Variants in CTDP1 observed in about 807,000 individuals in gnomAD.
The protein encoded by CTDP1 is CTD phosphatase 1.
Under a neutral mutation model 91.8 loss-of-function variants are expected in CTDP1, and 47 were observed. That is an observed-to-expected ratio of 0.51 (90% CI 0.41 to 0.65). The LOEUF is 0.65. Ranked by LOEUF, CTDP1 falls within the 30% of genes least tolerant of loss-of-function variation. The pLI is 0.00. For synonymous variants in CTDP1, 656 were observed against 598.5 expected, an observed-to-expected ratio of 1.10 and a Z score of -1.40; for missense variants, 1,272 against 1,373.7, an observed-to-expected ratio of 0.93 and a Z score of 1.17.
intron 1 of CTDP1, among the ~76,000 whole-genome samples, chr18:79,691,127 G>T (rs746533649): frequency 6.6e-6 from 1 of 152,162 alleles, no homozygotes; most frequent in Non-Finnish European, 1.5e-5. Flanking sequence ...TTCCTTCCTC[G>T]TGTAGAACTA....
chr18:79,697,340 T>C (rs1038614451), intron 3 of CTDP1, among the ~76,000 whole-genome samples: 2 of 152,158 alleles, frequency 1.3e-5, no homozygotes, highest in African/African-American at 2.4e-5. Context: ...ACCGGGCCCT[T>C]GTTAGGAGCT....
chr18:79,724,300 CTAAG>C (rs918265899), intron 10 of CTDP1, among the ~76,000 whole-genome samples: 20 of 152,206 alleles, frequency 1.3e-4, no homozygotes, highest in African/African-American at 4.8e-4. Context: ...CTTAACCTAT[CTAAG>C]TTTTTATTTC....
At chr18:79,707,975 A>AGAATTTAGATCTAGC in intron 5 of CTDP1, among the ~76,000 whole-genome samples, 1 of 152,392 alleles carries the variant, frequency 6.6e-6, no homozygotes, top group East Asian at 1.9e-4. Flanking sequence ...TTCTATTAAC[A>AGAATTTAGATCTAGC]GACTTTAGAT....
rs143464787 is a variant in CTDP1 at position 79,696,018 on chromosome 18, C to T, written c.440C>T (p.Thr147Met). 2.5e-6 allele frequency: 4 copies of T among 1,612,476 alleles called. No homozygotes were observed. The highest frequency in any genetic ancestry group is 1.3e-5 in the African/African-American group (1 of 74,940). ...GGGAAGCAGCAGGTGCCGCTGTCCACGGCGACCGTGTCCATGGTGCACAGC... is the reference window on the plus strand; with the variant it reads ...GGGAAGCAGCAGGTGCCGCTGTCCATGGCGACCGTGTCCATGGTGCACAGC... ...KNGKQQVPLSTATVSMVHSVP... is the reference protein window; with the variant it reads ...KNGKQQVPLSMATVSMVHSVP... Residue 147 changes from threonine (T) to methionine (M), a missense_variant, in exon 3 of 13, where the codon ACG becomes ATG. Coordinates refer to ENST00000613122, the MANE Select transcript of CTDP1 (RefSeq NM_004715.5).
intron 10 of CTDP1, among the ~76,000 whole-genome samples, chr18:79,727,876 G>A (rs953017079): frequency 6.6e-6 from 1 of 152,026 alleles, no homozygotes; most frequent in African/African-American, 2.4e-5. Flanking sequence ...TTTCCCAGAG[G>A]CTTGCCTTAA....
Position 79,680,258 on chromosome 18 carries a change from C to T in CTDP1, c.311C>T (p.Pro104Leu), listed in dbSNP as rs2122324778. 1 of 1,290,812 alleles carries T rather than the reference C, an allele frequency of 7.7e-7. No homozygotes were observed. The allele number at this position is 1,290,812 out of a possible 1,614,324, so 80.0% of individuals were successfully genotyped here. A position where few individuals can be genotyped will look rare whatever the true frequency, so the allele number is the denominator to read the frequency against. ...LCAQPGQVVA[P>L]GAVLVRLEGC... Reference sequence around the variant, plus strand: ...GCGCAGCCGGGCCAGGTGGTCGCCCCAGGGTGAGTGTGCTGAGCCGGGCGG... The same window carrying T: ...GCGCAGCCGGGCCAGGTGGTCGCCCTAGGGTGAGTGTGCTGAGCCGGGCGG... Residue 104 changes from proline to leucine, a missense_variant, in exon 1 of 13, where the codon CCA becomes CTA. Physicochemically the swap from Pro to Leu is moderately conservative, Grantham distance 98. Coordinates refer to ENST00000613122, the MANE Select transcript of CTDP1 (RefSeq NM_004715.5).
chr18:79,694,520 C>T (rs183096501), intron 1 of CTDP1, among the ~76,000 whole-genome samples: 9 of 144,180 alleles, frequency 6.2e-5, no homozygotes, highest in Non-Finnish European at 9.0e-5. Context: ...CGGAGCAGCC[C>T]GGCTGGGGTG....
At chr18:79,709,636 G>A (rs1599241095) in intron 5 of CTDP1, among the ~76,000 whole-genome samples, 2 of 152,202 alleles carry the variant, frequency 1.3e-5, no homozygotes, top group African/African-American at 4.8e-5. Context: ...CGGATTCTTC[G>A]CTGTGGAAGC....
In CTDP1 at chr18:79,716,246, C is replaced by T. The variant is rs370381552; in HGVS notation, c.2068+718C>T. ...CGTTTCCTGAGAGGGCTTCTCAGTG[C>T]GTGGCCCCGCCTCCGGGGCTCAGGA... On this transcript the variant is annotated intron_variant, in intron 8 of 12. Transcript: ENST00000613122. 1.7e-3 allele frequency among the ~76,000 whole-genome samples: 257 copies of T among 152,324 alleles called. 2 individuals are homozygous for T. In the Middle Eastern group the frequency reaches 0.024, roughly 14 times the overall value.
chr18:79,682,427 T>A (rs548956921), intron 1 of CTDP1, among the ~76,000 whole-genome samples: 1 of 152,248 alleles, frequency 6.6e-6, no homozygotes, highest in African/African-American at 2.4e-5. Flanking sequence ...CCATAGAGAG[T>A]TGCAGGTAGA....
Position 79,697,940 on chromosome 18 carries a change from G to A in CTDP1, c.573G>A (p.Gln191=), listed in dbSNP as rs2085781323. ...RKLVLMVDLD[Q]TLIHTTEQHC... ...TGGTGCTCATGGTGGACTTGGACCA[G>A]ACGTTGATTCACACAACCGAGCAGC... Residue 191 remains glutamine, a synonymous_variant, in exon 4 of 13, where the codon CAG becomes CAA. Coordinates refer to ENST00000613122, the MANE Select transcript of CTDP1 (RefSeq NM_004715.5). 6.2e-7 allele frequency: 1 copy of A among 1,614,134 alleles called. No homozygotes were observed.
rs1414920121 is a variant in CTDP1, at chr18:79,680,205, G to A, written c.258G>A (p.Glu86=). Residue 86 remains glutamate (E), a synonymous_variant, in exon 1 of 13, where the codon GAG becomes GAA. Transcript: ENST00000613122. ...GGCCGGAACGCAGGCTGAGGTCGGA[G>A]CGCGCGGGCGTGGTGCGGGAGCTGT... ...PARPERRLRS[E]RAGVVRELCA... is the part of the protein sequence containing the mutation. 2.9e-6 allele frequency: 4 copies of A among 1,374,986 alleles called. No individual in the cohort carries two copies. The highest frequency in any genetic ancestry group is 6.2e-5 in the East Asian group (2 of 32,316). The allele number at this position is 1,374,986 out of a possible 1,614,324, so 85.2% of individuals were successfully genotyped here.
upstream of CTDP1, chr18:79,679,253 C>T: frequency 2.7e-6 from 1 of 375,886 alleles, no homozygotes; most frequent in Non-Finnish European, 5.4e-6. Flanking sequence ...GAAGAGAAGA[C>T]CGCAACCCCC....
chr18:79,719,581 GTGA>G (rs1052369592), intron 10 of CTDP1, among the ~76,000 whole-genome samples: 7 of 151,374 alleles, frequency 4.6e-5, no homozygotes, highest in African/African-American at 1.5e-4. Flanking sequence ...AGGTGTCCTG[GTGA>G]TGTCACTTCC....
upstream of CTDP1, chr18:79,679,156 C>T: frequency 3.3e-6 from 1 of 305,946 alleles, no homozygotes; most frequent in African/African-American, 2.3e-5. Flanking sequence ...CGCTTCCGGG[C>T]GCCTTGCCCC....
chr18:79,688,357 T>G (rs1333690035), intron 1 of CTDP1, among the ~76,000 whole-genome samples: 2 of 152,216 alleles, frequency 1.3e-5, no homozygotes, highest in Admixed American at 6.5e-5. Flanking sequence ...CTCCACCTCC[T>G]GGGTTCAAGC....
chr18:79,682,677 T>A (rs926791834), intron 1 of CTDP1, among the ~76,000 whole-genome samples: 14 of 152,210 alleles, frequency 9.2e-5, no homozygotes, highest in African/African-American at 3.4e-4. Flanking sequence ...GAGCGCTGAC[T>A]TTCTGGATCA....
At position 79,683,510 on chromosome 18, in the gene CTDP1, G is replaced by A. The variant is rs2085418605; in HGVS notation, c.314+3249G>A. Among the ~76,000 whole-genome samples the A allele has an allele frequency of 2.6e-5, 4 of 152,314 alleles. No individual in the cohort carries two copies. In the South Asian group the frequency reaches 8.3e-4, roughly 32 times the overall value. On this transcript the variant is annotated intron_variant, in intron 1 of 12. Coordinates refer to ENST00000613122, the MANE Select transcript of CTDP1 (RefSeq NM_004715.5). Reference sequence around the variant, plus strand: ...TGCTGAAAGGAGGTCCCTTTTAACAGGGACCTCCCAGCACCAATGGAACCC... The same window carrying A: ...TGCTGAAAGGAGGTCCCTTTTAACAAGGACCTCCCAGCACCAATGGAACCC...
chr18:79,721,083 G>A (rs1290655966), intron 10 of CTDP1, among the ~76,000 whole-genome samples: 2 of 152,172 alleles, frequency 1.3e-5, no homozygotes, highest in African/African-American at 4.8e-5. Flanking sequence ...TTTCATCTGT[G>A]GCGAAGGCAT....
Sources: allele counts gnomAD v4.1 joint callset (sites outside exome capture counted in the v4.1 genomes callset), GRCh38; gene constraint gnomAD v4.1.1; transcripts MANE v1.5; gene names NCBI Gene and HGNC (gene_info 2026-07-23, HGNC 2026-07-21).